Variants in KCNAB1 observed in about 807,000 individuals in gnomAD.
The protein encoded by KCNAB1 is potassium voltage-gated channel subfamily A regulatory beta subunit 1.
Under a neutral mutation model 64.6 loss-of-function variants are expected in KCNAB1, and 35 were observed. The observed-to-expected ratio is 0.54, with a 90% CI of 0.41 to 0.72. The LOEUF is 0.72. Among genes scored for constraint, KCNAB1 ranks in the 30% least tolerant of loss-of-function variants. The probability of loss-of-function intolerance (pLI) is 0.00; values close to 1 mark genes in which losing one functional copy is unlikely to be tolerated. For synonymous variants in KCNAB1, 177 were observed against 183.8 expected, an observed-to-expected ratio of 0.96 and a Z score of 0.30; for missense variants, 401 against 512.9, an observed-to-expected ratio of 0.78 and a Z score of 2.11.
chr3:156,225,793 T>A lies in KCNAB1; in HGVS notation c.275+104907T>A, dbSNP rs138046879. Among the ~76,000 whole-genome samples the A allele has an allele frequency of 9.0e-3, 1,366 of 152,234 alleles. 19 individuals are homozygous for A. Among genetic ancestry groups the A allele is most frequent in the African/African-American group, 0.031 (1,297 of 41,526 alleles). On this transcript the variant is annotated intron_variant, in intron 1 of 13. Coordinates refer to ENST00000490337, the MANE Select transcript of KCNAB1 (RefSeq NM_172160.3). Reference sequence around the variant, plus strand: ...ATACCAACAGCGACCAAGCTGAGAATCAAATCAAGAACTCAACTCCTTTCA... The same window carrying A: ...ATACCAACAGCGACCAAGCTGAGAAACAAATCAAGAACTCAACTCCTTTCA...
At chr3:156,224,724 G>C (rs1031856936) in intron 1 of KCNAB1, among the ~76,000 whole-genome samples, 5 of 152,092 alleles carry the variant, frequency 3.3e-5, no homozygotes, top group Admixed American at 3.3e-4. Flanking sequence ...AGCTCCATTA[G>C]AAATGAAATG....
At chr3:156,383,573 C>T (rs1712340891) in intron 1 of KCNAB1, among the ~76,000 whole-genome samples, 1 of 152,158 alleles carries the variant, frequency 6.6e-6, no homozygotes. Context: ...GGTCACCCTA[C>T]AGGCCATTTT....
At chr3:156,524,521 G>C (rs1225902614) in intron 12 of KCNAB1, among the ~76,000 whole-genome samples, 2 of 152,134 alleles carry the variant, frequency 1.3e-5, no homozygotes, top group Non-Finnish European at 2.9e-5. Flanking sequence ...GCCAAGGTGG[G>C]CGGATCATGA....
chr3:156,137,220 T>TGG (rs1336379075), intron 1 of KCNAB1, among the ~76,000 whole-genome samples: 905 of 76,232 alleles, frequency 0.012, 11 homozygotes, highest in African/African-American at 0.04. Context: ...TATCATACAT[T>TGG]GGTGGGGGGG....
chr3:156,323,382 A>G (rs1484289825), intron 1 of KCNAB1, among the ~76,000 whole-genome samples: 5 of 152,100 alleles, frequency 3.3e-5, no homozygotes, highest in Admixed American at 2.0e-4. Flanking sequence ...CTTCTCCTTT[A>G]TCCAGTGTAT....
At chr3:156,125,190 G>T (rs1577608658) in intron 1 of KCNAB1, among the ~76,000 whole-genome samples, 1 of 152,042 alleles carries the variant, frequency 6.6e-6, no homozygotes, top group South Asian at 2.1e-4. Flanking sequence ...GCAGTGATTT[G>T]AAAGAGGAAC....
chr3:156,266,931 A>G (rs947636820), intron 1 of KCNAB1, among the ~76,000 whole-genome samples: 5 of 152,174 alleles, frequency 3.3e-5, no homozygotes, highest in Non-Finnish European at 5.9e-5. Context: ...CCTTCAGAAT[A>G]TGTAGACCTA....
At chr3:156,431,165 C>T (rs1226077039) in intron 2 of KCNAB1, among the ~76,000 whole-genome samples, 2 of 152,212 alleles carry the variant, frequency 1.3e-5, no homozygotes, top group African/African-American at 4.8e-5. Context: ...TTGCACACTG[C>T]CCTAAAGGCT....
At chr3:156,159,230 C>T (rs951176145) in intron 1 of KCNAB1, among the ~76,000 whole-genome samples, 2 of 152,012 alleles carry the variant, frequency 1.3e-5, no homozygotes, top group African/African-American at 4.8e-5. Flanking sequence ...ATTTCTTGAG[C>T]TTTGGGTCTT....
intron 1 of KCNAB1, among the ~76,000 whole-genome samples, chr3:156,285,298 T>C (rs1363885670): frequency 6.6e-6 from 1 of 152,214 alleles, no homozygotes; most frequent in African/African-American, 2.4e-5. Context: ...ATGGCCAATA[T>C]TTATGCCATC....
chr3:156,477,053 A>C (rs1714419348), intron 8 of KCNAB1, among the ~76,000 whole-genome samples: 1 of 152,168 alleles, frequency 6.6e-6, no homozygotes, highest in Non-Finnish European at 1.5e-5. Context: ...CAGAAAACAT[A>C]ATTTGCATTA....
At chr3:156,384,659 G>A (rs572801540) in intron 1 of KCNAB1, among the ~76,000 whole-genome samples, 1 of 152,336 alleles carries the variant, frequency 6.6e-6, no homozygotes, top group Non-Finnish European at 1.5e-5. Context: ...GTCATTAGGT[G>A]CCAGGGAATA....
intron 1 of KCNAB1, among the ~76,000 whole-genome samples, chr3:156,342,795 G>A (rs543802917): frequency 6.6e-6 from 1 of 151,912 alleles, no homozygotes; most frequent in South Asian, 2.1e-4. Flanking sequence ...GAGGAACATT[G>A]GGATTGATTG....
chr3:156,397,519 A>G (rs928086188), intron 1 of KCNAB1, among the ~76,000 whole-genome samples: 1 of 152,204 alleles, frequency 6.6e-6, no homozygotes, highest in Non-Finnish European at 1.5e-5. Context: ...GAAGTTTTCA[A>G]TGCCTTTCTC....
intron 6 of KCNAB1, among the ~76,000 whole-genome samples, chr3:156,465,283 A>T (rs1327848788): frequency 2.6e-5 from 4 of 152,218 alleles, no homozygotes; most frequent in Non-Finnish European, 5.9e-5. Flanking sequence ...TCTTACAATA[A>T]ACTCACAAAC....
intron 1 of KCNAB1, among the ~76,000 whole-genome samples, chr3:156,244,655 G>C (rs1343982995): frequency 6.6e-6 from 1 of 152,078 alleles, no homozygotes; most frequent in African/African-American, 2.4e-5. Flanking sequence ...TACACTTTTA[G>C]TGGCTCTGAT....
intron 1 of KCNAB1, among the ~76,000 whole-genome samples, chr3:156,352,626 A>G (rs1398679675): frequency 6.6e-6 from 1 of 152,170 alleles, no homozygotes; most frequent in Non-Finnish European, 1.5e-5. Context: ...GAACAGTGCC[A>G]TCTTTACCAA....
chr3:156,458,973 C>T (rs1038738970), intron 4 of KCNAB1, among the ~76,000 whole-genome samples: 2 of 152,214 alleles, frequency 1.3e-5, no homozygotes, highest in African/African-American at 2.4e-5. Flanking sequence ...AGCTAACCCG[C>T]ATCATGGCTT....
intron 1 of KCNAB1, among the ~76,000 whole-genome samples, chr3:156,146,410 A>G (rs1450644867): frequency 6.6e-6 from 1 of 152,236 alleles, no homozygotes; most frequent in Non-Finnish European, 1.5e-5. Flanking sequence ...GACAGTAAAC[A>G]CGAGCCTGAG....
Sources: allele counts gnomAD v4.1 joint callset (sites outside exome capture counted in the v4.1 genomes callset), GRCh38; gene constraint gnomAD v4.1.1; transcripts MANE v1.5; gene names NCBI Gene and HGNC (gene_info 2026-07-23, HGNC 2026-07-21).